TET3: variants seen among roughly 807,000 people sequenced by gnomAD.
TET3 encodes the protein methylcytosine dioxygenase TET3.
In TET3, 19 loss-of-function variants were observed where a neutral mutation model predicts 141.4. That is an observed-to-expected ratio of 0.13 (90% CI 0.09 to 0.20). The LOEUF (loss-of-function observed/expected upper bound fraction) is 0.20, where lower values mean the gene tolerates loss of function less well. Ranked by LOEUF, TET3 falls within the 10% of genes least tolerant of loss-of-function variation. The pLI is 1.00. For missense variants in TET3, 1,874 were observed against 2,356.9 expected (o/e 0.80, Z 4.24); for synonymous variants, 1,043 against 980.9 (o/e 1.06, Z -1.18).
At position 74,100,883 on chromosome 2, in the gene TET3, G is replaced by A; in HGVS notation, c.4095G>A (p.Lys1365=). 6.2e-7 allele frequency: 1 copy of A among 1,610,450 alleles called. No homozygotes were observed. The highest frequency in any genetic ancestry group is 8.5e-7 in the Non-Finnish European group (1 of 1,178,488). Residue 1365 remains lysine (K), a synonymous_variant, in exon 12 of 12, where the codon AAG becomes AAA. Coordinates refer to ENST00000409262, the MANE Select transcript of TET3 (RefSeq NM_001287491.2). ...HHQQPAYPGP[K]EYLLPKAPLL... ...AGCAGCCTGCGTACCCAGGCCCCAAGGAGTATCTGCTTCCCAAGGCCCCCC... is the reference window on the plus strand; with the variant it reads ...AGCAGCCTGCGTACCCAGGCCCCAAAGAGTATCTGCTTCCCAAGGCCCCCC...
At chr2:74,018,442 C>T (rs560997277) in intron 3 of TET3, among the ~76,000 whole-genome samples, 1 of 152,180 alleles carries the variant, frequency 6.6e-6, no homozygotes, top group East Asian at 1.9e-4. Flanking sequence ...GCTTTTCTTA[C>T]TTAAGTTTTA....
downstream of TET3, among the ~76,000 whole-genome samples, chr2:74,109,765 A>C (rs529452776): frequency 2.0e-4 from 30 of 152,266 alleles, no homozygotes; most frequent in African/African-American, 7.0e-4. Flanking sequence ...TCATATTGGG[A>C]TCTCTAGAAA....
intron 3 of TET3, among the ~76,000 whole-genome samples, chr2:74,010,445 A>G (rs112044833): frequency 1.2e-3 from 176 of 152,368 alleles, no homozygotes; most frequent in African/African-American, 3.9e-3. Flanking sequence ...CGGCACAGGC[A>G]GGACCATGCT....
intron 4 of TET3, among the ~76,000 whole-genome samples, chr2:74,053,422 G>T (rs958114678): frequency 2.6e-5 from 4 of 152,162 alleles, no homozygotes; most frequent in Admixed American, 2.6e-4. Flanking sequence ...AGCATCCTTT[G>T]TGCTCATCTA....
At position 74,102,083 on chromosome 2, in the gene TET3, C is replaced by A. The variant is rs753069101; in HGVS notation, c.5295C>A (p.Thr1765=). Residue 1765 remains threonine (T), a synonymous_variant, in exon 12 of 12, where the codon ACC becomes ACA. Coordinates refer to ENST00000409262, the MANE Select transcript of TET3 (RefSeq NM_001287491.2). ...AAGAGAAGAAGGGGGTCGTCCCCAC[C>A]CGGCAGGCACTGGCTGTGCCCACAG... ...QQKEKKGVVP[T]RQALAVPTDS... is the part of the protein sequence containing the mutation. 236 of 1,506,922 alleles carry A rather than the reference C, an allele frequency of 1.6e-4. No homozygotes were observed. Among genetic ancestry groups the A allele is most frequent in the Non-Finnish European group, 1.8e-4 (202 of 1,129,400 alleles). 93.3% of individuals were successfully genotyped at this position (1,506,922 alleles called of 1,614,324 possible).
At chr2:74,061,599 C>T (rs1425913906) in intron 4 of TET3, among the ~76,000 whole-genome samples, 7 of 131,442 alleles carry the variant, frequency 5.3e-5, no homozygotes, top group South Asian at 2.5e-4. Flanking sequence ...GGGGGGCTGA[C>T]CCCCCCCACC....
intron 4 of TET3, 103 bp downstream of exon 4, chr2:74,048,514 C>A: frequency 1.6e-6 from 2 of 1,235,382 alleles, no homozygotes; most frequent in Non-Finnish European, 2.2e-6. Context: ...TTATTTGTGC[C>A]AACTGCCACA....
chr2:74,009,030 T>C (rs188300314), intron 3 of TET3, among the ~76,000 whole-genome samples: 1 of 152,322 alleles, frequency 6.6e-6, no homozygotes, highest in African/African-American at 2.4e-5. Context: ...TCCTGAGCTG[T>C]GAGCCCTGCC....
chr2:74,012,161 A>G (rs989951401), intron 3 of TET3, among the ~76,000 whole-genome samples: 1 of 151,970 alleles, frequency 6.6e-6, no homozygotes, highest in African/African-American at 2.4e-5. Context: ...GGGTTTTACC[A>G]TGTTGCCCAG....
intron 2 of TET3, 112 bp from the exon 3 acceptor site, chr2:74,002,998 C>T: frequency 8.8e-7 from 1 of 1,132,768 alleles, no homozygotes; most frequent in Non-Finnish European, 1.3e-6. Flanking sequence ...CAGGCTGTAT[C>T]CCCTCCCGTT....
In TET3 at chr2:74,106,198, G is replaced by A. The variant is rs72818011; in HGVS notation, c.*4022G>A. On this transcript the variant is annotated 3_prime_UTR_variant, in exon 12 of 12. Transcript: ENST00000409262. The stretch of plus-strand genomic sequence containing the variant: ...TGTGTTGTATTGTTCTTCCCTTGGT[G>A]GCCAAACAAAGCAAGTCGAGAAGGC... 1,873 of 152,154 alleles carry A rather than the reference G, an allele frequency of 0.012. 20 individuals are homozygous for A. The highest frequency in any genetic ancestry group is 0.021 in the Non-Finnish European group (1,408 of 68,028). The allele number at this position is 152,154 out of a possible 1,614,324, so 9.4% of individuals were successfully genotyped here. A position where few individuals can be genotyped will look rare whatever the true frequency, so the allele number is the denominator to read the frequency against.
chr2:73,996,618 G>A (rs897418054), intron 2 of TET3, among the ~76,000 whole-genome samples: 12 of 152,064 alleles, frequency 7.9e-5, no homozygotes, highest in South Asian at 4.1e-4. Context: ...AGCGATTCTC[G>A]TGCCTTAGCC....
upstream of TET3, among the ~76,000 whole-genome samples, chr2:73,983,838 A>G (rs1236370770): frequency 6.6e-6 from 1 of 152,142 alleles, no homozygotes; most frequent in Non-Finnish European, 1.5e-5. Context: ...GTGCGCGTGT[A>G]TGTCAGAGAC....
At chr2:74,077,093 T>C (rs545969924) in intron 5 of TET3, among the ~76,000 whole-genome samples, 2 of 152,032 alleles carry the variant, frequency 1.3e-5, no homozygotes, top group Non-Finnish European at 2.9e-5. Flanking sequence ...AGCCTAGGAG[T>C]TCATTAAATG....
intron 3 of TET3, among the ~76,000 whole-genome samples, chr2:74,036,562 A>G (rs1687072481): frequency 6.6e-6 from 1 of 152,206 alleles, no homozygotes; most frequent in African/African-American, 2.4e-5. Context: ...CTTAGTGGTT[A>G]AAAATGGCTG....
chr2:73,989,411 C>A (rs764330812), intron 2 of TET3, among the ~76,000 whole-genome samples: 1 of 152,166 alleles, frequency 6.6e-6, no homozygotes, highest in African/African-American at 2.4e-5. Flanking sequence ...CTCCATCTCT[C>A]GTAGCTGACT....
intron 3 of TET3, among the ~76,000 whole-genome samples, chr2:74,045,083 G>A (rs4241259): frequency 0.93 from 142,051 of 152,322 alleles, 66,311 homozygotes; most frequent in East Asian, 1. Context: ...ATTTGGGTTT[G>A]TCTGATGTTT....
At chr2:74,052,327 G>C (rs1558750292) in intron 4 of TET3, among the ~76,000 whole-genome samples, 1 of 152,106 alleles carries the variant, frequency 6.6e-6, no homozygotes, top group Non-Finnish European at 1.5e-5. Flanking sequence ...GTGAATTCAG[G>C]CTCAGAACAA....
At chr2:74,021,191 C>T (rs1016806765) in intron 3 of TET3, among the ~76,000 whole-genome samples, 2 of 152,190 alleles carry the variant, frequency 1.3e-5, no homozygotes, top group East Asian at 1.9e-4. Flanking sequence ...CCCTGAGGCT[C>T]CCCATGAGGC....
Sources: allele counts gnomAD v4.1 joint callset (sites outside exome capture counted in the v4.1 genomes callset), GRCh38; gene constraint gnomAD v4.1.1; transcripts MANE v1.5; gene names NCBI Gene and HGNC (gene_info 2026-07-23, HGNC 2026-07-21).